The following PFKFB2 variants were observed in gnomAD, a reference collection of about 807,000 sequenced individuals.
PFKFB2 encodes 6-phosphofructo-2-kinase/fructose-2,6-bisphosphatase 2.
PFKFB2 carries 53 observed loss-of-function variants against 68.0 expected under a neutral mutation model. The observed-to-expected ratio is 0.78, with a 90% CI of 0.63 to 0.98. PFKFB2 has a LOEUF of 0.98. PFKFB2 is among the 50% of genes least tolerant of loss of function. PFKFB2 has a pLI of 0.00. For synonymous variants in PFKFB2, 222 were observed against 227.6 expected, an observed-to-expected ratio of 0.98 and a Z score of 0.22; for missense variants, 451 against 642.0, an observed-to-expected ratio of 0.70 and a Z score of 3.22.
At chr1:207,078,000 A>G (rs1232968251), downstream of PFKFB2, among the ~76,000 whole-genome samples, 1 of 152,210 alleles carries the variant, frequency 6.6e-6, no homozygotes, top group Non-Finnish European at 1.5e-5. Context: ...TGGGGAAGAT[A>G]GGAAGAACAT....
chr1:207,051,123 A>G, upstream of PFKFB2: 1 of 1,421,430 alleles, frequency 7.0e-7, no homozygotes. Flanking sequence ...TTAAAGTGAC[A>G]ACTGATTTTT....
At chr1:207,050,919 G>A (rs763559031), upstream of PFKFB2, 4 of 1,597,784 alleles carry the variant, frequency 2.5e-6, no homozygotes, top group South Asian at 4.5e-5. Context: ...CTGCCCACAG[G>A]CCAGGCACCC....
upstream of PFKFB2, among the ~76,000 whole-genome samples, chr1:207,049,984 T>C (rs538424789): frequency 3.3e-4 from 51 of 152,310 alleles, no homozygotes; most frequent in Admixed American, 2.0e-3. Context: ...CAAGCTTACC[T>C]AAAAAGATAC....
In PFKFB2 at chr1:207,069,443, C is replaced by T. The variant is rs1409039570; in HGVS notation, c.1007C>T (p.Thr336Ile). The T allele has an allele frequency of 6.2e-7, 1 of 1,613,578 alleles. No homozygotes were observed. The highest frequency in any genetic ancestry group is 1.1e-5 in the South Asian group (1 of 91,044). ...EIDAGVCEEM[T>I]YAEIEKRYPE... ...TTGCAGGGTGTGTGTGAAGAGATGA[C>T]CTATGCAGAGATTGAGAAACGGTAC... is the stretch of plus-strand genomic sequence containing the variant. The change falls in exon 11 of 15, where the codon ACC becomes ATC. Residue 336 changes from threonine (T) to isoleucine (I), a missense_variant. Thr to Ile is a moderately conservative substitution (Grantham distance 89). Coordinates refer to ENST00000367080, the MANE Select transcript of PFKFB2 (RefSeq NM_006212.2).
In PFKFB2 at chr1:207,069,522, T is replaced by G; in HGVS notation, c.1086T>G (p.Gly362=). ...DQEKYLYRYP[G]GESYQDLVQR... ...AGAAGTATCTGTATCGATATCCTGG[T>G]GGGGAGGTAAGACGCCCCTGTCATG... Residue 362 remains glycine (G), a synonymous_variant, in exon 11 of 15, where the codon GGT becomes GGG. Transcript: ENST00000367080. 6.2e-7 allele frequency: 1 copy of G among 1,607,226 alleles called. No homozygotes were observed. Among genetic ancestry groups the G allele is most frequent in the Non-Finnish European group, 8.5e-7 (1 of 1,173,758 alleles).
intron 8 of PFKFB2, among the ~76,000 whole-genome samples, chr1:207,067,169 A>G (rs1683316414): frequency 6.6e-6 from 1 of 152,266 alleles, no homozygotes. Context: ...TTCTCACCAA[A>G]TTTTGGGCTT....
intron 14 of PFKFB2, 135 bp downstream of exon 14, chr1:207,071,708 G>T: frequency 1.5e-6 from 1 of 645,516 alleles, no homozygotes; most frequent in South Asian, 1.9e-5. Flanking sequence ...AATGTAGTTT[G>T]CTACGTCTGA....
In PFKFB2 at chr1:207,071,250, G is replaced by A; in HGVS notation, c.1285G>A (p.Gly429Arg). ...TIFKLTPVAY[G>R]CKVETIKLNV... ...CTTCAAACTTACTCCTGTGGCCTAT[G>A]GTAACTATGCACATAGGGGCTGGCA... is the stretch of plus-strand genomic sequence containing the variant. Residue 429 changes from glycine to arginine, a missense_variant and splice_region_variant, in exon 13 of 15, where the codon GGG becomes AGG. Physicochemically the swap from Gly to Arg is moderately radical, Grantham distance 125 (BLOSUM62 -2). Coordinates refer to ENST00000367080, the MANE Select transcript of PFKFB2 (RefSeq NM_006212.2). The A allele has an allele frequency of 6.2e-7, 1 of 1,611,648 alleles. No individual in the cohort carries two copies. The highest frequency in any genetic ancestry group is 8.5e-7 in the Non-Finnish European group (1 of 1,177,806).
chr1:207,047,989 C>T (rs1302372036), intron 2 of PFKFB2: 1 of 152,096 alleles, frequency 6.6e-6, no homozygotes, highest in African/African-American at 2.4e-5. Context: ...AAAAACCAAC[C>T]CAAAGCAGAG....
At chr1:207,035,746 A>G (rs969459263) in intron 1 of PFKFB2, among the ~76,000 whole-genome samples, 4 of 152,222 alleles carry the variant, frequency 2.6e-5, no homozygotes, top group African/African-American at 9.7e-5. Context: ...TGGTGCTAGC[A>G]TCTGCTAAGC....
upstream of PFKFB2, chr1:207,050,880 A>T: frequency 6.2e-7 from 1 of 1,607,852 alleles, no homozygotes; most frequent in Non-Finnish European, 8.5e-7. Flanking sequence ...TTGGCCTTGC[A>T]GCGGAGCCGC....
Position 207,073,926 on chromosome 1 carries a change from GTAACCAGTGAGA to G in PFKFB2, c.*1556_*1567del. On this transcript the variant is annotated 3_prime_UTR_variant, in exon 15 of 15. Coordinates refer to ENST00000367080, the MANE Select transcript of PFKFB2 (RefSeq NM_006212.2). ...AAAGTTATCTGCTGGTCTTTTAGAG[GTAACCAGTGAGA>G]AGGAGTTAGCTATTTTCCAAGGGTG... is the stretch of plus-strand genomic sequence containing the variant. 2 of 985,380 alleles carry G rather than the reference GTAACCAGTGAGA, an allele frequency of 2.0e-6. No individual in the cohort carries two copies. The highest frequency in any genetic ancestry group is 2.4e-6 in the Non-Finnish European group (2 of 829,862). 61.0% of individuals were successfully genotyped at this position (985,380 alleles called of 1,614,324 possible). A position where few individuals can be genotyped will look rare whatever the true frequency, so the allele number is the denominator to read the frequency against.
At chr1:207,040,012 G>A (rs1323920196) in intron 1 of PFKFB2, among the ~76,000 whole-genome samples, 1 of 152,186 alleles carries the variant, frequency 6.6e-6, no homozygotes, top group Non-Finnish European at 1.5e-5. Flanking sequence ...GTGCTCTAGT[G>A]AGCCACACTC....
chr1:207,061,063 CTT>C (rs1271658987), intron 2 of PFKFB2: 15 of 87,168 alleles, frequency 1.7e-4, no homozygotes, highest in Admixed American at 6.7e-4. Flanking sequence ...TTATATATAT[CTT>C]TATATATATC....
downstream of PFKFB2, chr1:207,077,846 T>C (rs1683672207): frequency 5.1e-6 from 5 of 977,112 alleles, no homozygotes; most frequent in Non-Finnish European, 4.9e-6. Flanking sequence ...TTTTGTTTAG[T>C]ATTTTCAGTT....
chr1:207,073,379 T>C lies in PFKFB2; in HGVS notation c.*1008T>C, dbSNP rs1572737859. The C allele has an allele frequency of 1.0e-6, 1 of 985,430 alleles. No individual in the cohort carries two copies. 61.0% of individuals were successfully genotyped at this position (985,430 alleles called of 1,614,324 possible). ...TTTTCCTGCCAAAGCCAGTATCCTC[T>C]GGGGCTGTTTAGAAGGGCAGTTAGA... is the stretch of plus-strand genomic sequence containing the variant. On this transcript the variant is annotated 3_prime_UTR_variant, in exon 15 of 15. Coordinates refer to ENST00000367080, the MANE Select transcript of PFKFB2 (RefSeq NM_006212.2).
chr1:207,077,021 C>T lies in PFKFB2; in HGVS notation c.*4650C>T. 3.1e-6 allele frequency: 3 copies of T among 982,918 alleles called. No homozygotes were observed. Among genetic ancestry groups the T allele is most frequent in the Non-Finnish European group, 3.6e-6 (3 of 827,708 alleles). 60.9% of individuals were successfully genotyped at this position (982,918 alleles called of 1,614,324 possible). ...ATAGATATTTCTTATATAGTAGTGG[C>T]CAAATTCTCATTATTTTGTACAAGA... On this transcript the variant is annotated 3_prime_UTR_variant, in exon 15 of 15. Transcript: ENST00000367080.
At chr1:207,065,599 G>A (rs1050675555) in intron 8 of PFKFB2, among the ~76,000 whole-genome samples, 11 of 151,550 alleles carry the variant, frequency 7.3e-5, no homozygotes, top group African/African-American at 2.2e-4. Flanking sequence ...TAATCCACCC[G>A]CCTCGGCCTC....
intron 10 of PFKFB2, 76 bp downstream of exon 10, chr1:207,068,385 C>T (rs927466862): frequency 2.3e-6 from 3 of 1,290,664 alleles, no homozygotes; most frequent in Non-Finnish European, 3.1e-6. Context: ...ACTATTTAGA[C>T]AGTTTTATCT....
Sources: allele counts gnomAD v4.1 joint callset (sites outside exome capture counted in the v4.1 genomes callset), GRCh38; gene constraint gnomAD v4.1.1; transcripts MANE v1.5; gene names NCBI Gene and HGNC (gene_info 2026-07-23, HGNC 2026-07-21).